Variants in PIGG observed in about 807,000 individuals in gnomAD.
The protein encoded by PIGG is phosphatidylinositol glycan anchor biosynthesis class G (EMM blood group).
PIGG carries 70 observed loss-of-function variants against 83.2 expected under a neutral mutation model. The ratio of observed to expected loss-of-function variants is 0.84; its 90% CI spans 0.69 to 1.03. The LOEUF (loss-of-function observed/expected upper bound fraction) is 1.03. Ranked by LOEUF, PIGG falls within the 50% of genes least tolerant of loss-of-function variation. The pLI is 0.00. For missense variants in PIGG, 1,257 were observed against 1,233.6 expected, an observed-to-expected ratio of 1.02 and a Z score of -0.28; for synonymous variants, 532 against 519.5, an observed-to-expected ratio of 1.02 and a Z score of -0.33.
chr4:520,631 G>C (rs571578229), intron 6 of PIGG, among the ~76,000 whole-genome samples: 2 of 152,354 alleles, frequency 1.3e-5, no homozygotes, highest in South Asian at 4.1e-4. Context: ...TGCTGTAAGG[G>C]TTAGAAAGAC....
intron 11 of PIGG, chr4:531,339 C>T (rs575713128): frequency 3.2e-4 from 48 of 149,040 alleles, no homozygotes; most frequent in African/African-American, 1.1e-3. Context: ...CTCATCCAGC[C>T]TCCCGGCAAC....
At chr4:530,111 G>A (rs1374060831) in intron 10 of PIGG, among the ~76,000 whole-genome samples, 1 of 152,142 alleles carries the variant, frequency 6.6e-6, no homozygotes, top group Non-Finnish European at 1.5e-5. Context: ...CTGCAAAGCA[G>A]GCGGGCCACG....
chr4:531,642 C>T (rs1428968960), intron 11 of PIGG: 1 of 152,432 alleles, frequency 6.6e-6, no homozygotes, highest in Non-Finnish European at 1.5e-5. Flanking sequence ...GTCTGTCCCC[C>T]TGATCCTGAA....
chr4:518,316 A>C (rs1385237984), intron 6 of PIGG, among the ~76,000 whole-genome samples: 1 of 152,252 alleles, frequency 6.6e-6, no homozygotes, highest in Non-Finnish European at 1.5e-5. Flanking sequence ...AAAATTGGCC[A>C]GGTGTGGTGG....
At chr4:524,010 T>C (rs1375950324) in intron 9 of PIGG, 97 bp downstream of exon 9, 1 of 744,332 alleles carries the variant, frequency 1.3e-6, no homozygotes, top group Admixed American at 3.0e-5. Context: ...ATTTTTCATA[T>C]TAAGAATGGG....
chr4:499,496 A>AC lies in PIGG; in HGVS notation c.154+11dup, dbSNP rs782776784. On this transcript the variant is annotated splice_region_variant and intron_variant, in intron 1 of 12. Coordinates refer to ENST00000453061, the MANE Select transcript of PIGG (RefSeq NM_001127178.3). ...GCGCCCGAACCCTCGGCTGGTACGG[A>AC]CCCCTCCCCGGCGTCTCCGCTCCCC... The AC allele has an allele frequency of 1.5e-5, 24 of 1,586,210 alleles. No homozygotes were observed. Among genetic ancestry groups the AC allele is most frequent in the African/African-American group, 2.7e-5 (2 of 73,998 alleles).
At chr4:504,308 C>T (rs1718830346) in intron 2 of PIGG, among the ~76,000 whole-genome samples, 2 of 152,100 alleles carry the variant, frequency 1.3e-5, no homozygotes, top group South Asian at 4.2e-4. Context: ...GCTTCAGCAC[C>T]CCTGATGTGT....
At chr4:516,216 A>T (rs779282580) in intron 6 of PIGG, 31 bp downstream of exon 6, 1 of 1,484,994 alleles carries the variant, frequency 6.7e-7, no homozygotes, top group Admixed American at 1.7e-5. Flanking sequence ...GAGCTCTGTC[A>T]GAGCTGTGTG....
chr4:516,598 C>T (rs990984420), intron 6 of PIGG, among the ~76,000 whole-genome samples: 6 of 152,100 alleles, frequency 3.9e-5, no homozygotes, highest in African/African-American at 1.4e-4. Context: ...TGGCTCACGC[C>T]TGTAATCCCA....
intron 11 of PIGG, chr4:533,575 G>T: frequency 1.8e-6 from 1 of 547,318 alleles, no homozygotes; most frequent in South Asian, 2.1e-5. Flanking sequence ...TGCACGGTCC[G>T]CTCACGTGCC....
At position 521,058 on chromosome 4, in the gene PIGG, C is replaced by A; in HGVS notation, c.1117C>A (p.Pro373Thr). Residue 373 changes from proline (P) to threonine (T), a missense_variant and splice_region_variant, in exon 7 of 13, where the codon CCT becomes ACT. Physicochemically the swap from Pro to Thr is conservative, Grantham distance 38. Coordinates refer to ENST00000453061, the MANE Select transcript of PIGG (RefSeq NM_001127178.3). ...TAACCTTTCTGTCTTCTTAATAGAT[C>A]CTGGGTTTGAGCAGTTTAAAATGTC... ...QENVPSYEKD[P>T]GFEQFKMSER... is the part of the protein sequence containing the mutation. 6.2e-7 allele frequency: 1 copy of A among 1,610,526 alleles called. No individual in the cohort carries two copies. The highest frequency in any genetic ancestry group is 8.5e-7 in the Non-Finnish European group (1 of 1,176,768).
In PIGG at chr4:521,742, T is replaced by G; in HGVS notation, c.1415T>G (p.Phe472Cys). 5 of 1,614,204 alleles carry G rather than the reference T, an allele frequency of 3.1e-6. No individual in the cohort carries two copies. Among genetic ancestry groups the G allele is most frequent in the Non-Finnish European group, 4.2e-6 (5 of 1,180,024 alleles). ...GAAGTCCCACTGTCATCTCCTGGGTTTTCTCTGCTCTTTTATTTGGTGATC... is the reference window on the plus strand; with the variant it reads ...GAAGTCCCACTGTCATCTCCTGGGTGTTCTCTGCTCTTTTATTTGGTGATC... ...ELEVPLSSPG[F>C]SLLFYLVILV... The change falls in exon 8 of 13, where the codon TTT (phenylalanine) becomes TGT (cysteine). Residue 472 changes from phenylalanine (F) to cysteine (C), a missense_variant. Coordinates refer to ENST00000453061, the MANE Select transcript of PIGG (RefSeq NM_001127178.3).
At chr4:537,050 A>G (rs1045569263) in intron 12 of PIGG, 15 of 152,206 alleles carry the variant, frequency 9.9e-5, no homozygotes, top group African/African-American at 2.7e-4. Flanking sequence ...ATTTTGATCA[A>G]CTGGAGAGTA....
At chr4:516,501 C>G (rs116006633) in intron 6 of PIGG, among the ~76,000 whole-genome samples, 2 of 152,094 alleles carry the variant, frequency 1.3e-5, no homozygotes, top group East Asian at 1.9e-4. Context: ...CCTCATGGAA[C>G]CTTCCAGAGG....
At chr4:530,213 C>T (rs1728684372) in intron 10 of PIGG, among the ~76,000 whole-genome samples, 1 of 152,122 alleles carries the variant, frequency 6.6e-6, no homozygotes, top group Non-Finnish European at 1.5e-5. Context: ...CGAGGACACA[C>T]CTGTGGGCCT....
chr4:526,908 C>A, intron 9 of PIGG, 131 bp from the exon 10 acceptor site: 1 of 1,015,094 alleles, frequency 9.9e-7, no homozygotes, highest in Non-Finnish European at 1.4e-6. Context: ...TAAAAATCAA[C>A]AATTTCATGT....
chr4:499,512 T>C (rs1553874298), intron 1 of PIGG, 23 bp downstream of exon 1: 1 of 1,576,102 alleles, frequency 6.3e-7, no homozygotes, highest in Admixed American at 1.7e-5. Flanking sequence ...CCCCGGCGTC[T>C]CCGCTCCCCT....
chr4:517,375 G>A (rs867848706), intron 6 of PIGG, among the ~76,000 whole-genome samples: 1 of 152,116 alleles, frequency 6.6e-6, no homozygotes, highest in Admixed American at 6.6e-5. Context: ...GCGATATTGG[G>A]TACGAGCAGA....
intron 10 of PIGG, among the ~76,000 whole-genome samples, chr4:529,219 G>C (rs1164207531): frequency 6.6e-6 from 1 of 152,164 alleles, no homozygotes; most frequent in East Asian, 1.9e-4. Context: ...ACAGAAACCA[G>C]TCCCTTTTCT....
Sources: allele counts gnomAD v4.1 joint callset (sites outside exome capture counted in the v4.1 genomes callset), GRCh38; gene constraint gnomAD v4.1.1; transcripts MANE v1.5; gene names NCBI Gene and HGNC (gene_info 2026-07-23, HGNC 2026-07-21).